Variants in SPATA13 observed in about 807,000 individuals in gnomAD.
The protein encoded by SPATA13 is spermatogenesis-associated protein 13.
A neutral mutation model predicts 104.0 loss-of-function variants in SPATA13; 50 were observed. That is an observed-to-expected ratio of 0.48 (90% CI 0.38 to 0.61). SPATA13 has a LOEUF of 0.61. Among genes scored for constraint, SPATA13 ranks in the 20% least tolerant of loss-of-function variants. The pLI, the probability that SPATA13 is intolerant of heterozygous loss-of-function variation, is 0.00. For synonymous variants in SPATA13, 606 were observed against 667.5 expected, an observed-to-expected ratio of 0.91 and a Z score of 1.42; for missense variants, 1,524 against 1,690.6, an observed-to-expected ratio of 0.90 and a Z score of 1.73.
intron 3 of SPATA13, among the ~76,000 whole-genome samples, chr13:24,103,359 A>C (rs937926178): frequency 1.3e-5 from 2 of 151,714 alleles, no homozygotes; most frequent in African/African-American, 4.8e-5. Flanking sequence ...GGTGGCTTGC[A>C]CCTTAATCTC....
intron 2 of SPATA13, among the ~76,000 whole-genome samples, chr13:24,008,934 G>C (rs1406902312): frequency 1.3e-5 from 2 of 152,248 alleles, no homozygotes; most frequent in African/African-American, 4.8e-5. Flanking sequence ...CCAAGTGCGG[G>C]AGGTGGGGGC....
At chr13:24,156,472 T>C (rs1882259896), upstream of SPATA13, among the ~76,000 whole-genome samples, 1 of 152,172 alleles carries the variant, frequency 6.6e-6, no homozygotes, top group Non-Finnish European at 1.5e-5. Flanking sequence ...TGATGACCCA[T>C]TCCTGGAGGC....
At chr13:24,097,677 T>C (rs138899509) in intron 3 of SPATA13, among the ~76,000 whole-genome samples, 44 of 152,264 alleles carry the variant, frequency 2.9e-4, no homozygotes, top group Middle Eastern at 3.4e-3. Context: ...AAGCCAGGCA[T>C]AGTTTCAGTG....
At chr13:24,218,889 T>C (rs1389130516) in intron 1 of SPATA13, among the ~76,000 whole-genome samples, 5 of 151,924 alleles carry the variant, frequency 3.3e-5, no homozygotes, top group Admixed American at 3.3e-4. Context: ...ATCTGTTCTA[T>C]ATTCCTGAAT....
chr13:24,163,370 G>A (rs9511096), intron 1 of SPATA13, among the ~76,000 whole-genome samples: 17 of 152,084 alleles, frequency 1.1e-4, no homozygotes, highest in Non-Finnish European at 5.9e-5. Context: ...CCACTACACT[G>A]CAGCCTGGGT....
Position 24,131,837 on chromosome 13 carries a change from A to G in SPATA13, c.-111-90982A>G, listed in dbSNP as rs1440385197. On this transcript the variant is annotated intron_variant, in intron 3 of 14. Coordinates refer to the SPATA13 transcript ENST00000424834. ...GACATGAGAAGGCAGGGTGTTAAAT[A>G]GCAACATAAAACAAGGGAAGGCAGA... Among the ~76,000 whole-genome samples, 5 of 152,338 alleles carry G rather than the reference A, an allele frequency of 3.3e-5. No individual in the cohort carries two copies. The East Asian group carries it at 7.7e-4, about 23-fold the overall frequency.
intron 1 of SPATA13, among the ~76,000 whole-genome samples, chr13:24,212,262 T>C (rs904181806): frequency 7.2e-6 from 1 of 139,578 alleles, no homozygotes; most frequent in South Asian, 2.3e-4. Flanking sequence ...CAGGCTGCAC[T>C]CCAACCTGGG....
rs1391734734 is a variant in SPATA13 at position 24,011,036 on chromosome 13, C to G, written c.-146-6631C>G. Among the ~76,000 whole-genome samples the G allele has an allele frequency of 6.6e-6, 1 of 152,184 alleles. No homozygotes were observed. On this transcript the variant is annotated intron_variant, in intron 2 of 14. Transcript: ENST00000424834. The surrounding 1 kb of genome is among the most constrained non-coding windows in gnomAD (Gnocchi z 4.3). ...TTCTGTCTTTCCCTCTGCACCCATA[C>G]TGCTGGGATATGCCTGCACTCTGCA... is the stretch of plus-strand genomic sequence containing the variant.
chr13:24,279,584 C>G (rs1277094203), intron 4 of SPATA13, among the ~76,000 whole-genome samples: 5 of 152,120 alleles, frequency 3.3e-5, no homozygotes, highest in Non-Finnish European at 1.5e-5. Context: ...TAAGAGGTAG[C>G]CAGATCCTGG....
chr13:24,100,563 G>A (rs1880227899), intron 3 of SPATA13, among the ~76,000 whole-genome samples: 1 of 152,210 alleles, frequency 6.6e-6, no homozygotes, highest in East Asian at 1.9e-4. Context: ...ACATGAAGAT[G>A]ATTGATTTGA....
At chr13:24,010,489 C>T (rs771147867) in intron 2 of SPATA13, among the ~76,000 whole-genome samples, 8 of 146,168 alleles carry the variant, frequency 5.5e-5, no homozygotes, top group Admixed American at 1.4e-4. Context: ...TTTGTAGCTA[C>T]GTTATTTAGG....
intron 1 of SPATA13, among the ~76,000 whole-genome samples, chr13:24,186,575 G>T (rs1869164547): frequency 6.6e-6 from 1 of 152,170 alleles, no homozygotes; most frequent in Admixed American, 6.5e-5. Context: ...TGTCCCCAGG[G>T]TCTAAGTAAT....
chr13:24,279,467 G>T (rs1875325718), intron 4 of SPATA13, among the ~76,000 whole-genome samples: 1 of 152,200 alleles, frequency 6.6e-6, no homozygotes, highest in South Asian at 2.1e-4. Flanking sequence ...GGGGGCAGGG[G>T]TGGCAGCAGG....
At chr13:23,999,859 A>G (rs1423052215) in intron 2 of SPATA13, among the ~76,000 whole-genome samples, 1 of 152,196 alleles carries the variant, frequency 6.6e-6, no homozygotes, top group Non-Finnish European at 1.5e-5. Context: ...CCCTATTTAG[A>G]TACTTATGCA....
At chr13:23,987,188 AT>A (rs1219443108) in intron 2 of SPATA13, among the ~76,000 whole-genome samples, 2 of 152,102 alleles carry the variant, frequency 1.3e-5, no homozygotes, top group African/African-American at 2.4e-5. Flanking sequence ...GGGATGGATA[AT>A]CTTGGGGTCT....
intron 3 of SPATA13, among the ~76,000 whole-genome samples, chr13:24,068,498 A>G (rs1203241404): frequency 6.6e-6 from 1 of 152,222 alleles, no homozygotes; most frequent in Non-Finnish European, 1.5e-5. Flanking sequence ...GTGCCCAGTA[A>G]TGAAATTGCT....
chr13:24,138,313 A>AC (rs1390543156), intron 3 of SPATA13, among the ~76,000 whole-genome samples: 15 of 72,042 alleles, frequency 2.1e-4, no homozygotes, highest in East Asian at 2.1e-3. Flanking sequence ...CTGAAAAAAA[A>AC]AAAAAAAACA....
intron 3 of SPATA13, among the ~76,000 whole-genome samples, chr13:24,102,355 G>A (rs1450983866): frequency 1.3e-5 from 2 of 151,976 alleles, no homozygotes; most frequent in Admixed American, 1.3e-4. Flanking sequence ...TGAGTTGTGG[G>A]AGTTCTTTAT....
chr13:24,170,002 A>G (rs1882903383), intron 1 of SPATA13, among the ~76,000 whole-genome samples: 1 of 152,214 alleles, frequency 6.6e-6, no homozygotes, highest in Non-Finnish European at 1.5e-5. Context: ...GTCTTCATAC[A>G]AAGTTCTTAT....
Sources: allele counts gnomAD v4.1 joint callset (sites outside exome capture counted in the v4.1 genomes callset), GRCh38; gene constraint gnomAD v4.1.1; non-coding constraint Gnocchi (gnomAD v3.1); transcripts MANE v1.5; gene names NCBI Gene and HGNC (gene_info 2026-07-23, HGNC 2026-07-21).